EPHA5: variants seen among roughly 807,000 people sequenced by gnomAD.
The protein encoded by EPHA5 is ephrin type-A receptor 5.
A neutral mutation model predicts 105.0 loss-of-function variants in EPHA5; 60 were observed. The ratio of observed to expected loss-of-function variants is 0.57; its 90% CI spans 0.46 to 0.71. The LOEUF (loss-of-function observed/expected upper bound fraction) is 0.71, where lower values mean the gene tolerates loss of function less well. Among genes scored for constraint, EPHA5 ranks in the 30% least tolerant of loss-of-function variants. The pLI, the probability that EPHA5 is intolerant of heterozygous loss-of-function variation, is 0.00. For synonymous variants in EPHA5, 513 were observed against 449.1 expected, an observed-to-expected ratio of 1.14 and a Z score of -1.80; for missense variants, 1,218 against 1,274.7, an observed-to-expected ratio of 0.96 and a Z score of 0.68.
intron 3 of EPHA5, among the ~76,000 whole-genome samples, chr4:65,596,992 C>T (rs1258402202): frequency 1.3e-5 from 2 of 152,148 alleles, no homozygotes; most frequent in African/African-American, 4.8e-5. Flanking sequence ...ACATTCTACT[C>T]CCTGCTGTAA....
chr4:65,355,366 A>G (rs1312459798), intron 11 of EPHA5, among the ~76,000 whole-genome samples: 1 of 151,652 alleles, frequency 6.6e-6, no homozygotes, highest in African/African-American at 2.4e-5. Flanking sequence ...TGATAATGAA[A>G]TTTTTATCAT....
chr4:65,631,703 G>T lies in EPHA5; in HGVS notation c.246+11660C>A, dbSNP rs147193609. 9.7e-3 allele frequency among the ~76,000 whole-genome samples: 1,396 copies of T among 144,200 alleles called. 22 individuals are homozygous for T. Among genetic ancestry groups the T allele is most frequent in the African/African-American group, 0.032 (1,312 of 40,800 alleles). The allele number at this position is 144,200 out of a possible 152,430, so 94.6% of individuals were successfully genotyped here. On this transcript the variant is annotated intron_variant, in intron 2 of 16. Transcript: ENST00000613740. ...GGGTAGGACATTAAGCTAGCCAACT[G>T]CAGTTGGACATGTACCCTAAAACTT... is the stretch of plus-strand genomic sequence containing the variant.
chr4:65,418,923 G>A (rs1578071933), intron 6 of EPHA5, among the ~76,000 whole-genome samples: 1 of 79,566 alleles, frequency 1.3e-5, no homozygotes, highest in Admixed American at 1.9e-4. Context: ...TGCTCTTGTT[G>A]CCCAGACTGG....
intron 15 of EPHA5, among the ~76,000 whole-genome samples, chr4:65,333,444 C>T (rs974888990): frequency 3.3e-5 from 5 of 151,524 alleles, no homozygotes; most frequent in Non-Finnish European, 7.4e-5. Flanking sequence ...ATTCAGCCAA[C>T]ACCACTACCA....
chr4:65,565,968 C>A (rs1237027303), intron 3 of EPHA5, among the ~76,000 whole-genome samples: 2 of 151,522 alleles, frequency 1.3e-5, no homozygotes, highest in African/African-American at 2.4e-5. Context: ...GTTAGAAATG[C>A]TGATATTTTA....
At chr4:65,640,664 C>A (rs1448092289) in intron 2 of EPHA5, among the ~76,000 whole-genome samples, 1 of 152,120 alleles carries the variant, frequency 6.6e-6, no homozygotes, top group Non-Finnish European at 1.5e-5. Context: ...AGTAAGTGTT[C>A]TCAACTTCGC....
intron 5 of EPHA5, among the ~76,000 whole-genome samples, chr4:65,474,183 G>T (rs1729572085): frequency 6.6e-6 from 1 of 151,860 alleles, no homozygotes; most frequent in Non-Finnish European, 1.5e-5. Flanking sequence ...TAATAATAAA[G>T]AAATGAATTC....
chr4:65,613,935 A>T (rs996304242), intron 2 of EPHA5, among the ~76,000 whole-genome samples: 6 of 151,984 alleles, frequency 3.9e-5, no homozygotes, highest in Non-Finnish European at 8.8e-5. Context: ...CATTTACAGA[A>T]TTTTTTATCT....
At chr4:65,617,731 G>C (rs143917378) in intron 2 of EPHA5, among the ~76,000 whole-genome samples, 1 of 152,084 alleles carries the variant, frequency 6.6e-6, no homozygotes, top group Admixed American at 6.5e-5. Context: ...ATGTTTTTAA[G>C]AGTTGATAGC....
chr4:65,471,027 T>C (rs1298742455), intron 5 of EPHA5, among the ~76,000 whole-genome samples: 1 of 152,208 alleles, frequency 6.6e-6, no homozygotes, highest in African/African-American at 2.4e-5. Flanking sequence ...GCTGTTTCTG[T>C]ACCTCATGTC....
At chr4:65,386,122 C>A (rs572448587) in intron 8 of EPHA5, among the ~76,000 whole-genome samples, 1 of 151,748 alleles carries the variant, frequency 6.6e-6, no homozygotes, top group Admixed American at 6.6e-5. Flanking sequence ...TACTAAAACA[C>A]AAAAGTTGAC....
intron 10 of EPHA5, among the ~76,000 whole-genome samples, chr4:65,365,689 A>ATATGTATATATATATATATT (rs765636669): frequency 3.2e-5 from 3 of 93,814 alleles, no homozygotes; most frequent in Non-Finnish European, 7.3e-5. Context: ...ATATATATAT[A>ATATGTATATATATATATATT]GTGAAACATT....
chr4:65,357,113 T>A (rs1262459291), intron 11 of EPHA5, among the ~76,000 whole-genome samples: 1 of 151,492 alleles, frequency 6.6e-6, no homozygotes, highest in East Asian at 1.9e-4. Context: ...TTGAGAAATT[T>A]ACCTTTATTA....
intron 3 of EPHA5, among the ~76,000 whole-genome samples, chr4:65,514,786 C>T (rs1560631499): frequency 6.6e-6 from 1 of 151,968 alleles, no homozygotes; most frequent in Non-Finnish European, 1.5e-5. Context: ...TTGATGCTCC[C>T]CTTCACTCCT....
intron 11 of EPHA5, among the ~76,000 whole-genome samples, chr4:65,357,951 C>A (rs1321986153): frequency 1.3e-5 from 2 of 151,380 alleles, no homozygotes. Flanking sequence ...TAATACAATC[C>A]TTTGCCATAA....
chr4:65,403,389 G>A (rs1346450519), intron 8 of EPHA5, among the ~76,000 whole-genome samples: 1 of 116,376 alleles, frequency 8.6e-6, no homozygotes, highest in Non-Finnish European at 2.0e-5. Flanking sequence ...GGACCTTATG[G>A]TACATTTTCA....
intron 2 of EPHA5, among the ~76,000 whole-genome samples, chr4:65,637,249 T>G (rs1288770494): frequency 7.2e-6 from 1 of 139,444 alleles, no homozygotes; most frequent in Non-Finnish European, 1.5e-5. Context: ...TTCAGTTAGG[T>G]CCCTCCAGAA....
At chr4:65,451,385 A>G (rs1293177768) in intron 5 of EPHA5, among the ~76,000 whole-genome samples, 5 of 152,120 alleles carry the variant, frequency 3.3e-5, no homozygotes, top group Non-Finnish European at 5.9e-5. Context: ...ACATTTTACA[A>G]TCCCAATTAT....
intron 14 of EPHA5, among the ~76,000 whole-genome samples, chr4:65,337,923 C>A (rs1721336588): frequency 6.6e-6 from 1 of 151,920 alleles, no homozygotes; most frequent in Admixed American, 6.6e-5. Context: ...TAACTTTGAG[C>A]AAAAGTCCTA....
Sources: gnomAD v4.1 joint callset for allele counts (sites outside exome capture counted in the v4.1 genomes callset) on GRCh38, gnomAD v4.1.1 for gene constraint, MANE v1.5 for transcripts, NCBI Gene and HGNC (gene_info 2026-07-23, HGNC 2026-07-21) for gene names.